The following ENTR1 variants were observed in gnomAD, a reference collection of about 807,000 sequenced individuals.
ENTR1 encodes the protein endosome-associated-trafficking regulator 1.
ENTR1 carries 47 observed loss-of-function variants against 47.9 expected under a neutral mutation model. The ratio of observed to expected loss-of-function variants is 0.98; its 90% confidence interval spans 0.78 to 1.25. The LOEUF (loss-of-function observed/expected upper bound fraction) is 1.25. ENTR1 is among the 50% of genes most tolerant of loss of function. The pLI is 0.00. For missense variants in ENTR1, 668 were observed against 570.5 expected (o/e 1.17, Z -1.74); for synonymous variants, 290 against 245.8 (o/e 1.18, Z -1.68).
Position 136,402,592 on chromosome 9 carries a change from C to A in ENTR1, c.*196G>T. 2.2e-6 allele frequency: 1 copy of A among 464,318 alleles called. No individual in the cohort carries two copies. Among genetic ancestry groups the A allele is most frequent in the Non-Finnish European group, 3.8e-6 (1 of 262,230 alleles). The allele number at this position is 464,318 out of a possible 1,614,324, so 28.8% of individuals were successfully genotyped here. A position where few individuals can be genotyped will look rare whatever the true frequency, so the allele number is the denominator to read the frequency against. The stretch of plus-strand genomic sequence containing the variant: ...TCGCCAAGAAGGGCTGCATAGAAAC[C>A]ACAGAGACAACTCGGCCAGGGCTGC... On this transcript the variant is annotated 3_prime_UTR_variant, in exon 10 of 10. Transcript: ENST00000357365.
In ENTR1 at chr9:136,407,391, G is replaced by T; in HGVS notation, c.573C>A (p.Ser191=). The T allele has an allele frequency of 6.2e-7, 1 of 1,606,816 alleles. No homozygotes were observed. The highest frequency in any genetic ancestry group is 1.1e-5 in the South Asian group (1 of 90,126). The stretch of plus-strand genomic sequence containing the variant: ...TCTCGGGGTGAGTCTGCTCGATGGC[G>T]GACGGCAGGTAGGCCCCACTCCATC... ...DTGWSGAYLP[S]AIEQTHPERV... Residue 191 remains serine, a synonymous_variant, in exon 5 of 10, where the codon TCC becomes TCA. Transcript: ENST00000357365.
rs752134026 is a variant in ENTR1, at chr9:136,405,990, G to A, written c.820-12C>T. The A allele has an allele frequency of 6.3e-7, 1 of 1,599,966 alleles. No homozygotes were observed. The highest frequency in any genetic ancestry group is 8.5e-7 in the Non-Finnish European group (1 of 1,172,670). On this transcript the variant is annotated splice_polypyrimidine_tract_variant and intron_variant, in intron 5 of 9. Transcript: ENST00000357365. ...TTTTCATCTTTCAGCTGTGGAGAGA[G>A]AACATCCTTATTAGAAAGTCAGCAT...
intron 3 of ENTR1, among the ~76,000 whole-genome samples, chr9:136,408,175 C>T (rs1834873623): frequency 6.6e-6 from 1 of 152,188 alleles, no homozygotes; most frequent in Non-Finnish European, 1.5e-5. Context: ...CCTGCTCCCA[C>T]ACTGTGCTGC....
Position 136,408,373 on chromosome 9 carries a change from CTG to C in ENTR1, c.290-437_290-436del, listed in dbSNP as rs1564411924. 7.9e-5 allele frequency among the ~76,000 whole-genome samples: 12 copies of C among 151,810 alleles called. No individual in the cohort carries two copies. The East Asian group carries it at 2.3e-3, about 29-fold the overall frequency. Reference sequence around the variant, plus strand: ...GCGGGCGGATCACGAGGTCAGGAGACTGAGACCATCCTGGCTAACACGGTGAA... The same window carrying C: ...GCGGGCGGATCACGAGGTCAGGAGACAGACCATCCTGGCTAACACGGTGAA... On this transcript the variant is annotated intron_variant, in intron 3 of 9. Transcript: ENST00000357365.
At chr9:136,408,428 A>T (rs1055616544) in intron 3 of ENTR1, among the ~76,000 whole-genome samples, 1 of 151,944 alleles carries the variant, frequency 6.6e-6, no homozygotes, top group Non-Finnish European at 1.5e-5. Flanking sequence ...AATACAAAAA[A>T]TTAGCCAGGC....
chr9:136,404,819 G>T, intron 7 of ENTR1, 126 bp from the exon 8 acceptor site: 1 of 903,530 alleles, frequency 1.1e-6, no homozygotes, highest in Non-Finnish European at 1.7e-6. Context: ...CAGCCCCTGT[G>T]CCCCTCCCAG....
At chr9:136,406,509 G>C (rs944868053) in intron 5 of ENTR1, among the ~76,000 whole-genome samples, 1 of 151,654 alleles carries the variant, frequency 6.6e-6, no homozygotes, top group African/African-American at 2.4e-5. Flanking sequence ...ACAGAGTTTC[G>C]CCCGTCGCCT....
rs1834861020 is a variant in ENTR1, at chr9:136,407,919, C to T, written c.309G>A (p.Leu103=). 4 of 1,606,890 alleles carry T rather than the reference C, an allele frequency of 2.5e-6. No homozygotes were observed. The highest frequency in any genetic ancestry group is 3.4e-6 in the Non-Finnish European group (4 of 1,173,610). ...THFGDDRFED[L]EEANPFSFRE... ...TAAAAGAGAATGGATTTGCCTCTTC[C>T]AGATCTTCAAATCTGTCATCTGAAA... Residue 103 remains leucine (L), a synonymous_variant, in exon 4 of 10, where the codon CTG becomes CTA. Coordinates refer to ENST00000357365, the MANE Select transcript of ENTR1 (RefSeq NM_001039707.2).
chr9:136,406,046 G>A, intron 5 of ENTR1, 68 bp from the exon 6 acceptor site: 2 of 1,169,058 alleles, frequency 1.7e-6, no homozygotes, highest in East Asian at 2.5e-5. Context: ...TGCTTCTGCG[G>A]TGTGGCTCCA....
intron 3 of ENTR1, 83 bp from the exon 4 acceptor site, chr9:136,408,021 G>C: frequency 1.1e-6 from 1 of 880,570 alleles, no homozygotes; most frequent in African/African-American, 1.6e-5. Context: ...TCTTTCCAGA[G>C]CATGGCCACA....
Position 136,407,911 on chromosome 9 carries a change from G to C in ENTR1, c.317C>G (p.Ala106Gly), listed in dbSNP as rs1834860097. ...AAACTCTCTAAAAGAGAATGGATTTGCCTCTTCCAGATCTTCAAATCTGTC... is the reference window on the plus strand; with the variant it reads ...AAACTCTCTAAAAGAGAATGGATTTCCCTCTTCCAGATCTTCAAATCTGTC... ...GDDRFEDLEE[A>G]NPFSFREFLK... is the part of the protein sequence containing the mutation. The change falls in exon 4 of 10, where the codon GCA becomes GGA. Residue 106 changes from alanine to glycine, a missense_variant. Physicochemically the swap from Ala to Gly is moderately conservative, Grantham distance 60. Transcript: ENST00000357365. 6 of 1,610,234 alleles carry C rather than the reference G, an allele frequency of 3.7e-6. No homozygotes were observed. The highest frequency in any genetic ancestry group is 5.1e-6 in the Non-Finnish European group (6 of 1,176,572).
chr9:136,409,076 A>G lies in ENTR1; in HGVS notation c.221-9T>C. On this transcript the variant is annotated splice_polypyrimidine_tract_variant and intron_variant, in intron 2 of 9. Coordinates refer to ENST00000357365, the MANE Select transcript of ENTR1 (RefSeq NM_001039707.2). ...CTTTCCATAGCCAAAATCTGCAAAGAAACAATGTCACCCACCATGCTGGCA... is the reference window on the plus strand; with the variant it reads ...CTTTCCATAGCCAAAATCTGCAAAGGAACAATGTCACCCACCATGCTGGCA... 1 of 1,613,720 alleles carries G rather than the reference A, an allele frequency of 6.2e-7. No individual in the cohort carries two copies. The highest frequency in any genetic ancestry group is 8.5e-7 in the Non-Finnish European group (1 of 1,179,778).
intron 5 of ENTR1, among the ~76,000 whole-genome samples, chr9:136,406,417 C>T (rs1330003940): frequency 1.3e-5 from 2 of 150,292 alleles, no homozygotes; most frequent in African/African-American, 4.9e-5. Flanking sequence ...TGCAGTGAGC[C>T]GAGATCGTGC....
In ENTR1 at chr9:136,405,988, G is replaced by A; in HGVS notation, c.820-10C>T. On this transcript the variant is annotated splice_polypyrimidine_tract_variant and intron_variant, in intron 5 of 9. Coordinates refer to ENST00000357365, the MANE Select transcript of ENTR1 (RefSeq NM_001039707.2). ...AATTTTCATCTTTCAGCTGTGGAGA[G>A]AGAACATCCTTATTAGAAAGTCAGC... is the stretch of plus-strand genomic sequence containing the variant. The A allele has an allele frequency of 6.2e-7, 1 of 1,601,830 alleles. No individual in the cohort carries two copies. The highest frequency in any genetic ancestry group is 8.5e-7 in the Non-Finnish European group (1 of 1,173,618).
intron 2 of ENTR1, 116 bp downstream of exon 2, chr9:136,409,974 C>A (rs768776152): frequency 7.8e-7 from 1 of 1,275,114 alleles, no homozygotes; most frequent in South Asian, 1.2e-5. Flanking sequence ...GTGCCTGGCA[C>A]GCAGTGAGCG....
intron 4 of ENTR1, 75 bp from the exon 5 acceptor site, chr9:136,407,636 G>C (rs11145916): frequency 6.7e-7 from 1 of 1,483,200 alleles, no homozygotes; most frequent in Non-Finnish European, 8.9e-7. Context: ...TCTGTGTTCT[G>C]CCTCGCAACA....
At position 136,409,062 on chromosome 9, in the gene ENTR1, C is replaced by G; in HGVS notation, c.226G>C (p.Gly76Arg). ...TTAGAACATTTCCCCTTTCCATAGC[C>G]AAAATCTGCAAAGAAACAATGTCAC... ...VLASVGDTDF[G>R]YGKGKCSKQS... The change falls in exon 3 of 10, where the codon GGC becomes CGC. Residue 76 changes from glycine to arginine, a missense_variant. By Grantham distance (125) the Gly-to-Arg change is moderately radical. Coordinates refer to ENST00000357365, the MANE Select transcript of ENTR1 (RefSeq NM_001039707.2). 6.2e-7 allele frequency: 1 copy of G among 1,613,816 alleles called. No homozygotes were observed. The highest frequency in any genetic ancestry group is 1.1e-5 in the South Asian group (1 of 91,080).
In ENTR1 at chr9:136,407,847, C is replaced by G; in HGVS notation, c.381G>C (p.Pro127=). Residue 127 remains proline, a synonymous_variant, in exon 4 of 10, where the codon CCG becomes CCC. Transcript: ENST00000357365. ...TKNLGLSKED[P]ASRIYAKEAS... The stretch of plus-strand genomic sequence containing the variant: ...TTACCTTTGCATAAATTCTGCTGGC[C>G]GGATCCTCTTTCGAGAGGCCGAGGT... 1.2e-6 allele frequency: 2 copies of G among 1,612,354 alleles called. No homozygotes were observed. Among genetic ancestry groups the G allele is most frequent in the Non-Finnish European group, 1.7e-6 (2 of 1,178,424 alleles).
Position 136,402,642 on chromosome 9 carries a change from G to T in ENTR1, c.*146C>A. On this transcript the variant is annotated 3_prime_UTR_variant, in exon 10 of 10. Transcript: ENST00000357365. Reference sequence around the variant, plus strand: ...CTCCCATTGTGGTGGCCAAGAACTGGCTGAGGGCACGACACTGGACTCTTG... The same window carrying T: ...CTCCCATTGTGGTGGCCAAGAACTGTCTGAGGGCACGACACTGGACTCTTG... The T allele has an allele frequency of 1.8e-6, 1 of 564,372 alleles. No individual in the cohort carries two copies. Among genetic ancestry groups the T allele is most frequent in the Non-Finnish European group, 3.1e-6 (1 of 320,216 alleles). The allele number at this position is 564,372 out of a possible 1,614,324, so 35.0% of individuals were successfully genotyped here. A position where few individuals can be genotyped will look rare whatever the true frequency, so the allele number is the denominator to read the frequency against.
Sources: allele counts gnomAD v4.1 joint callset (sites outside exome capture counted in the v4.1 genomes callset), GRCh38; gene constraint gnomAD v4.1.1; transcripts MANE v1.5; gene names NCBI Gene and HGNC (gene_info 2026-07-23, HGNC 2026-07-21).